ITPR1: variants seen among roughly 807,000 people sequenced by gnomAD.
ITPR1 encodes inositol 1,4,5-trisphosphate receptor type 1.
Under a neutral mutation model 318.4 loss-of-function variants are expected in ITPR1, and 96 were observed. That is an observed-to-expected ratio of 0.30 (90% CI 0.26 to 0.36). The LOEUF (loss-of-function observed/expected upper bound fraction) is 0.36. Ranked by LOEUF, ITPR1 falls within the 10% of genes least tolerant of loss-of-function variation. The pLI is 1.00. For synonymous variants in ITPR1, 1,312 were observed against 1,289.9 expected, an observed-to-expected ratio of 1.02 and a Z score of -0.37; for missense variants, 2,440 against 3,460.2, an observed-to-expected ratio of 0.71 and a Z score of 7.40.
chr3:4,683,075 T>G (rs961125235), intron 26 of ITPR1, among the ~76,000 whole-genome samples: 1 of 152,214 alleles, frequency 6.6e-6, no homozygotes, highest in African/African-American at 2.4e-5. Flanking sequence ...CCTCTTGCAG[T>G]TCTCAGACCA....
At chr3:4,725,244 C>G (rs542636892) in intron 40 of ITPR1, among the ~76,000 whole-genome samples, 1 of 152,030 alleles carries the variant, frequency 6.6e-6, no homozygotes, top group Non-Finnish European at 1.5e-5. Context: ...CTGTCACTTG[C>G]TTTGTTTTAA....
In ITPR1 at chr3:4,821,886, T is replaced by C. The variant is rs73807167; in HGVS notation, c.8028+3644T>C. 3.3e-3 allele frequency among the ~76,000 whole-genome samples: 508 copies of C among 152,340 alleles called. 4 individuals are homozygous for C. The highest frequency in any genetic ancestry group is 0.012 in the African/African-American group (491 of 41,576). ...AACTAGCTGTTCACCCACAAGTTAA[T>C]CTTGTTTAAACATAATAGATCATAT... On this transcript the variant is annotated intron_variant, in intron 60 of 61. Transcript: ENST00000649015.
chr3:4,505,734 G>T (rs903227730), intron 2 of ITPR1, among the ~76,000 whole-genome samples: 110 of 152,214 alleles, frequency 7.2e-4, no homozygotes, highest in African/African-American at 2.5e-3. Flanking sequence ...TAGACGCAAA[G>T]GGTGCTGTGT....
chr3:4,591,034 G>A (rs759931992), intron 4 of ITPR1, among the ~76,000 whole-genome samples: 4 of 152,092 alleles, frequency 2.6e-5, no homozygotes, highest in African/African-American at 7.2e-5. Context: ...AGCTCCATTC[G>A]TGTTCCCGCA....
intron 4 of ITPR1, among the ~76,000 whole-genome samples, chr3:4,612,342 G>T (rs565955408): frequency 2.0e-5 from 3 of 152,068 alleles, no homozygotes; most frequent in South Asian, 2.1e-4. Flanking sequence ...GATTACAGGC[G>T]TGAGCTGCCG....
chr3:4,661,524 T>C (rs543664632), intron 14 of ITPR1, among the ~76,000 whole-genome samples: 2 of 152,344 alleles, frequency 1.3e-5, no homozygotes, highest in South Asian at 4.1e-4. Flanking sequence ...TTTCTCTCCC[T>C]ACTTCTCCTT....
intron 39 of ITPR1, among the ~76,000 whole-genome samples, chr3:4,714,368 G>A (rs10514657): frequency 0.017 from 2,650 of 152,230 alleles, 80 homozygotes; most frequent in African/African-American, 0.061. Context: ...GCCTCTTATG[G>A]AGCTTGTCCC....
chr3:4,639,569 A>G, intron 6 of ITPR1, 99 bp downstream of exon 6: 1 of 857,690 alleles, frequency 1.2e-6, no homozygotes, highest in Non-Finnish European at 1.9e-6. Flanking sequence ...CCTTTACAGC[A>G]GGACTCCATG....
intron 59 of ITPR1, among the ~76,000 whole-genome samples, chr3:4,815,493 C>G (rs974503175): frequency 3.4e-4 from 52 of 152,000 alleles, no homozygotes; most frequent in Non-Finnish European, 4.7e-4. Flanking sequence ...ATCTTTAATC[C>G]TTCTTTCTTC....
rs551295762 is a variant in ITPR1 at position 4,678,323 on chromosome 3, G to A, written c.2967+1522G>A. ...ACTTTTATTTTCAATTTTTTTTGTC[G>A]AGACAAAATATACATATAAAATTTG... On this transcript the variant is annotated intron_variant, in intron 24 of 61. Coordinates refer to ENST00000649015, the MANE Select transcript of ITPR1 (RefSeq NM_001378452.1). Among the ~76,000 whole-genome samples the A allele has an allele frequency of 2.5e-3, 377 of 150,416 alleles. 2 individuals carry two copies. Among genetic ancestry groups the A allele is most frequent in the African/African-American group, 8.8e-3 (360 of 40,914 alleles).
At chr3:4,836,463 A>G (rs890774000) in intron 60 of ITPR1, among the ~76,000 whole-genome samples, 1 of 152,206 alleles carries the variant, frequency 6.6e-6, no homozygotes, top group Non-Finnish European at 1.5e-5. Context: ...TCAGCCATGT[A>G]ATTTGCAAAG....
chr3:4,817,983 G>A (rs2049419730), intron 59 of ITPR1, 99 bp from the exon 60 acceptor site: 3 of 961,422 alleles, frequency 3.1e-6, no homozygotes, highest in Non-Finnish European at 4.5e-6. Context: ...AGACAGGAGT[G>A]AAACCACAGC....
At chr3:4,842,896 T>C (rs1013696148) in intron 61 of ITPR1, among the ~76,000 whole-genome samples, 3 of 152,102 alleles carry the variant, frequency 2.0e-5, no homozygotes. Context: ...TAACAAGATA[T>C]ATAGATAGTA....
chr3:4,801,895 G>A, intron 54 of ITPR1, among the ~76,000 whole-genome samples: 1 of 152,216 alleles, frequency 6.6e-6, no homozygotes, highest in East Asian at 1.9e-4. Flanking sequence ...AGAACAGTGG[G>A]AAAGCTCGGG....
intron 42 of ITPR1, 61 bp from the exon 43 acceptor site, chr3:4,733,027 A>G (rs2043034001): frequency 6.5e-7 from 1 of 1,546,704 alleles, no homozygotes; most frequent in South Asian, 1.2e-5. Context: ...TGTTTTGAAT[A>G]TTCGTCCCTC....
chr3:4,680,509 T>C, intron 24 of ITPR1, 44 bp from the exon 25 acceptor site: 1 of 1,592,932 alleles, frequency 6.3e-7, no homozygotes, highest in Non-Finnish European at 8.6e-7. Context: ...CAAGATGGTA[T>C]GTTAATGTAA....
intron 4 of ITPR1, among the ~76,000 whole-genome samples, chr3:4,561,115 T>A (rs1266239861): frequency 6.6e-6 from 1 of 152,198 alleles, no homozygotes; most frequent in East Asian, 1.9e-4. Flanking sequence ...TAGCTGTGAT[T>A]TGCTAATTGT....
At chr3:4,802,106 C>T (rs769038246) in intron 54 of ITPR1, among the ~76,000 whole-genome samples, 1 of 152,100 alleles carries the variant, frequency 6.6e-6, no homozygotes, top group Non-Finnish European at 1.5e-5. Flanking sequence ...TGATTGAATC[C>T]GCATGAAAAA....
chr3:4,808,459 C>A (rs537441401), intron 55 of ITPR1, among the ~76,000 whole-genome samples: 1 of 152,230 alleles, frequency 6.6e-6, no homozygotes, highest in African/African-American at 2.4e-5. Context: ...CAACCTATCA[C>A]AGAAAGATAA....
Sources: allele counts gnomAD v4.1 joint callset (sites outside exome capture counted in the v4.1 genomes callset), GRCh38; gene constraint gnomAD v4.1.1; transcripts MANE v1.5; gene names NCBI Gene and HGNC (gene_info 2026-07-23, HGNC 2026-07-21).